Variants in EPB41L3 observed in about 807,000 individuals in gnomAD.
EPB41L3 encodes band 4.1-like protein 3.
A neutral mutation model predicts 127.1 loss-of-function variants in EPB41L3; 57 were observed. The ratio of observed to expected loss-of-function variants is 0.45; its 90% CI spans 0.36 to 0.56. EPB41L3 has a LOEUF of 0.56. Ranked by LOEUF, EPB41L3 falls within the 20% of genes least tolerant of loss-of-function variation. The probability of loss-of-function intolerance (pLI) is 0.00; values close to 1 mark genes in which losing one functional copy is unlikely to be tolerated. For synonymous variants in EPB41L3, 572 were observed against 549.5 expected (o/e 1.04, Z -0.57); for missense variants, 1,273 against 1,372.2 (o/e 0.93, Z 1.14).
chr18:5,486,431 GT>G (rs111983469), intron 2 of EPB41L3, among the ~76,000 whole-genome samples: 8,288 of 151,916 alleles, frequency 0.055, 567 homozygotes, highest in East Asian at 0.15. Flanking sequence ...TCTGAGCAAA[GT>G]TTTTTTTGTG....
At chr18:5,542,508 T>C (rs2093760799) in intron 1 of EPB41L3, among the ~76,000 whole-genome samples, 1 of 147,280 alleles carries the variant, frequency 6.8e-6, no homozygotes, top group South Asian at 2.3e-4. Flanking sequence ...AGGCAGGGTA[T>C]CTGCAAAAGC....
At chr18:5,424,543 TG>T (rs947403136) in intron 9 of EPB41L3, among the ~76,000 whole-genome samples, 184 bp from the exon 10 acceptor site, 2 of 152,184 alleles carry the variant, frequency 1.3e-5, no homozygotes, top group Admixed American at 1.3e-4. Context: ...GTCTTTAAAA[TG>T]CTGCAGGTAT....
rs146456548 is a variant in EPB41L3 at position 5,414,629 on chromosome 18, A to T, written c.2067+1189T>A. 7.8e-3 allele frequency among the ~76,000 whole-genome samples: 1,179 copies of T among 151,964 alleles called. 13 individuals are homozygous for T. The highest frequency in any genetic ancestry group is 0.027 in the African/African-American group (1,107 of 41,456). ...GCTAAGCGTATTTTGCTTTTTTCCT[A>T]TCACAACAGCTCTTGTTCTGTGGGA... is the stretch of plus-strand genomic sequence containing the variant. On this transcript the variant is annotated intron_variant, in intron 13 of 22. Transcript: ENST00000341928.
Position 5,438,050 on chromosome 18 carries a change from G to A in EPB41L3, c.590C>T (p.Ser197Phe). The A allele has an allele frequency of 6.2e-7, 1 of 1,613,878 alleles. No homozygotes were observed. The highest frequency in any genetic ancestry group is 8.5e-7 in the Non-Finnish European group (1 of 1,179,908). ...TTTCAAATACCTGGTGATATCTTCA[G>A]ATAGTTGGGCAGGGTCTGGTGGATA... ...KFYPPDPAQL[S>F]EDITRYYLCL... The change falls in exon 6 of 23, where the codon TCT becomes TTT. Residue 197 changes from serine to phenylalanine, a missense_variant. Transcript: ENST00000341928.
chr18:5,423,372 G>A lies in EPB41L3; in HGVS notation c.1339+6C>T. 1 of 1,598,726 alleles carries A rather than the reference G, an allele frequency of 6.3e-7. No individual in the cohort carries two copies. Among genetic ancestry groups the A allele is most frequent in the Non-Finnish European group, 8.6e-7 (1 of 1,168,862 alleles). On this transcript the variant is annotated splice_donor_region_variant and intron_variant, in intron 11 of 22. Transcript: ENST00000341928. ...AGGTTATTAAGGGCCAGTAAGCGATGCCTACCTCCATCCAAGCTGCGAGAC... is the reference window on the plus strand; with the variant it reads ...AGGTTATTAAGGGCCAGTAAGCGATACCTACCTCCATCCAAGCTGCGAGAC...
chr18:5,490,802 T>C (rs539469442), intron 1 of EPB41L3, among the ~76,000 whole-genome samples: 1 of 152,330 alleles, frequency 6.6e-6, no homozygotes, highest in East Asian at 1.9e-4. Context: ...CTGCAGAATT[T>C]AGAGCTTCTG....
intron 16 of EPB41L3, among the ~76,000 whole-genome samples, chr18:5,402,967 C>G (rs72866810): frequency 6.6e-6 from 1 of 152,120 alleles, no homozygotes; most frequent in Non-Finnish European, 1.5e-5. Context: ...ACAGTGAACA[C>G]GCCTGTAAAA....
intron 9 of EPB41L3, among the ~76,000 whole-genome samples, chr18:5,425,976 CTGTAACATATGA>C (rs994052566): frequency 2.6e-5 from 4 of 152,206 alleles, no homozygotes; most frequent in African/African-American, 9.6e-5. Context: ...CGTGCCCTTT[CTGTAACATATGA>C]TACTGCTAGC....
At chr18:5,497,119 G>A (rs1352812799) in intron 1 of EPB41L3, among the ~76,000 whole-genome samples, 1 of 152,180 alleles carries the variant, frequency 6.6e-6, no homozygotes, top group Non-Finnish European at 1.5e-5. Context: ...CCAGGCTTGG[G>A]CAAGGAATGA....
chr18:5,535,151 T>C (rs993818247), intron 1 of EPB41L3, among the ~76,000 whole-genome samples: 4 of 152,122 alleles, frequency 2.6e-5, no homozygotes, highest in African/African-American at 7.2e-5. Context: ...AATCTGATGA[T>C]GTGAAGTGGA....
At chr18:5,490,039 G>A (rs1439267554) in intron 1 of EPB41L3, among the ~76,000 whole-genome samples, 1 of 152,222 alleles carries the variant, frequency 6.6e-6, no homozygotes, top group Non-Finnish European at 1.5e-5. Flanking sequence ...GTTTCCACAT[G>A]TGCCAAATGA....
rs759041682 is a variant in EPB41L3, at chr18:5,541,040, G to A, written c.-12+2873C>T. Among the ~76,000 whole-genome samples the A allele has an allele frequency of 1.3e-4, 18 of 136,494 alleles. No individual in the cohort carries two copies. In the South Asian group the frequency reaches 3.0e-3, roughly 23 times the overall value. 89.5% of individuals were successfully genotyped at this position (136,494 alleles called of 152,430 possible). A position where few individuals can be genotyped will look rare whatever the true frequency, so the allele number is the denominator to read the frequency against. On this transcript the variant is annotated intron_variant, in intron 1 of 22. Coordinates refer to ENST00000341928, the MANE Select transcript of EPB41L3 (RefSeq NM_012307.5). ...GCGGAGCTTGCAGTGAGCCGAGATC[G>A]CACCACTGCACTCCAGCCTGGGCGA... is the stretch of plus-strand genomic sequence containing the variant.
At chr18:5,507,558 A>G (rs1314989044) in intron 1 of EPB41L3, among the ~76,000 whole-genome samples, 1 of 152,166 alleles carries the variant, frequency 6.6e-6, no homozygotes, top group Non-Finnish European at 1.5e-5. Context: ...CTCTCTAAAA[A>G]TCAATTTGTT....
chr18:5,506,532 G>A (rs928403867), intron 1 of EPB41L3, among the ~76,000 whole-genome samples: 7 of 152,024 alleles, frequency 4.6e-5, no homozygotes, highest in African/African-American at 1.4e-4. Context: ...CTCTGTCCCC[G>A]TTTCCTGCCC....
chr18:5,419,969 T>G lies in EPB41L3; in HGVS notation c.1340-92A>C, dbSNP rs768363972. Reference sequence around the variant, plus strand: ...ACAATTAAAGAAATAAAATCCAAAATAGTTAGGTCAGAAGACACATGAACA... The same window carrying G: ...ACAATTAAAGAAATAAAATCCAAAAGAGTTAGGTCAGAAGACACATGAACA... On this transcript the variant is annotated intron_variant, in intron 11 of 22. Coordinates refer to ENST00000341928, the MANE Select transcript of EPB41L3 (RefSeq NM_012307.5). The G allele has an allele frequency of 4.4e-6, 7 of 1,599,144 alleles. No individual in the cohort carries two copies. The East Asian group carries it at 1.3e-4, about 31-fold the overall frequency.
intron 11 of EPB41L3, 129 bp from the exon 12 acceptor site, chr18:5,420,006 ATCTTTACTG>A: frequency 6.6e-7 from 1 of 1,512,950 alleles, no homozygotes; most frequent in Admixed American, 2.2e-5. Context: ...TACCAACTAT[ATCTTTACTG>A]AAAAAAAAAA....
intron 1 of EPB41L3, among the ~76,000 whole-genome samples, chr18:5,495,585 G>C (rs2091087272): frequency 6.7e-6 from 1 of 149,300 alleles, no homozygotes; most frequent in African/African-American, 2.5e-5. Context: ...ATTTTCACAG[G>C]AAAGAACACT....
At chr18:5,529,938 G>A (rs2093358170) in intron 1 of EPB41L3, among the ~76,000 whole-genome samples, 1 of 151,068 alleles carries the variant, frequency 6.6e-6, no homozygotes, top group South Asian at 2.1e-4. Context: ...ATGTGTGTGT[G>A]TGTGTGTGTG....
chr18:5,499,254 A>G (rs539689346), intron 1 of EPB41L3, among the ~76,000 whole-genome samples: 1 of 152,168 alleles, frequency 6.6e-6, no homozygotes, highest in Non-Finnish European at 1.5e-5. Flanking sequence ...ATTAAATCTG[A>G]GTTCTGCCTC....
Sources: allele counts gnomAD v4.1 joint callset (sites outside exome capture counted in the v4.1 genomes callset), GRCh38; gene constraint gnomAD v4.1.1; transcripts MANE v1.5; gene names NCBI Gene and HGNC (gene_info 2026-07-23, HGNC 2026-07-21).